Variants in PCED1B observed in about 807,000 individuals in gnomAD.
PCED1B encodes PC-esterase domain containing 1B.
For missense variants in PCED1B, 573 were observed against 573.9 expected (o/e 1.00, Z 0.02); for synonymous variants, 251 against 246.1 (o/e 1.02, Z -0.19).
At chr12:47,233,948 T>G (rs542581667) in intron 3 of PCED1B, among the ~76,000 whole-genome samples, 4 of 152,164 alleles carry the variant, frequency 2.6e-5, no homozygotes, top group Non-Finnish European at 5.9e-5. Context: ...TACTTCCTTG[T>G]AAAAGAAATC....
intron 2 of PCED1B, among the ~76,000 whole-genome samples, chr12:47,126,209 A>T (rs1939882647): frequency 6.6e-6 from 1 of 151,936 alleles, no homozygotes; most frequent in Non-Finnish European, 1.5e-5. Context: ...GCTTAATGTG[A>T]GTTTTTATAA....
chr12:47,144,215 G>A (rs1363155183), intron 2 of PCED1B, among the ~76,000 whole-genome samples: 3 of 152,156 alleles, frequency 2.0e-5, no homozygotes, highest in East Asian at 1.9e-4. Context: ...TAAGGCAGCC[G>A]AGGAGCAATG....
At chr12:47,162,646 A>C (rs1054455456) in intron 2 of PCED1B, among the ~76,000 whole-genome samples, 3 of 152,196 alleles carry the variant, frequency 2.0e-5, no homozygotes, top group Non-Finnish European at 4.4e-5. Flanking sequence ...TGAGAGAGGC[A>C]ACAAGAAAGA....
intron 2 of PCED1B, among the ~76,000 whole-genome samples, chr12:47,167,485 A>G (rs1475653355): frequency 6.6e-6 from 1 of 152,144 alleles, no homozygotes; most frequent in Admixed American, 6.5e-5. Flanking sequence ...AAGAAATGTG[A>G]GGTGTGTTTC....
chr12:47,116,554 C>T (rs1939430447), intron 2 of PCED1B, among the ~76,000 whole-genome samples: 1 of 152,048 alleles, frequency 6.6e-6, no homozygotes, highest in African/African-American at 2.4e-5. Context: ...TTGTCATATA[C>T]ATTTTGTCCC....
rs559214875 is a variant in PCED1B at position 47,211,900 on chromosome 12, C to T, written c.-525-4322C>T. 2.8e-3 allele frequency among the ~76,000 whole-genome samples: 426 copies of T among 151,276 alleles called. 3 individuals carry two copies. The highest frequency in any genetic ancestry group is 9.4e-3 in the African/African-American group (387 of 41,272). On this transcript the variant is annotated intron_variant, in intron 2 of 3. Transcript: ENST00000546455. ...ACCATCCCGGCTAAAACGGTGAAAC[C>T]CCGTCTCTACTAAAAATACAAAAAA... is the stretch of plus-strand genomic sequence containing the variant.
At chr12:47,137,225 A>G (rs1487120396) in intron 2 of PCED1B, among the ~76,000 whole-genome samples, 1 of 152,176 alleles carries the variant, frequency 6.6e-6, no homozygotes, top group Non-Finnish European at 1.5e-5. Flanking sequence ...TCTTAATTTC[A>G]TTTTTTATTT....
chr12:47,181,585 T>G (rs1942098026), intron 2 of PCED1B, among the ~76,000 whole-genome samples: 1 of 152,072 alleles, frequency 6.6e-6, no homozygotes, highest in Non-Finnish European at 1.5e-5. Context: ...CAGGCAGGTC[T>G]TGAACTCCCA....
chr12:47,136,937 G>A (rs192565322), intron 2 of PCED1B, among the ~76,000 whole-genome samples: 1 of 152,234 alleles, frequency 6.6e-6, no homozygotes, highest in East Asian at 1.9e-4. Flanking sequence ...GTAACCTTGG[G>A]TAACTCCCTC....
At chr12:47,181,117 G>T (rs1340327404) in intron 2 of PCED1B, among the ~76,000 whole-genome samples, 3 of 151,826 alleles carry the variant, frequency 2.0e-5, no homozygotes, top group Non-Finnish European at 4.4e-5. Flanking sequence ...CTGGGTAGCT[G>T]GGACTACAGG....
At position 47,142,772 on chromosome 12, in the gene PCED1B, G is replaced by T. The variant is rs1018443845; in HGVS notation, c.-526+38577G>T. 4.6e-5 allele frequency among the ~76,000 whole-genome samples: 7 copies of T among 151,724 alleles called. 1 individual carries two copies. The highest frequency in any genetic ancestry group is 8.8e-5 in the Non-Finnish European group (6 of 67,926). The stretch of plus-strand genomic sequence containing the variant: ...ATTATTTGAAATTAGCCAATTAGAG[G>T]AACCAAAACAAAAGAAGAAATTAAA... On this transcript the variant is annotated intron_variant, in intron 2 of 3. Coordinates refer to ENST00000546455, the MANE Select transcript of PCED1B (RefSeq NM_138371.3).
chr12:47,084,398 A>T (rs1353314101), intron 1 of PCED1B, among the ~76,000 whole-genome samples: 2 of 152,242 alleles, frequency 1.3e-5, no homozygotes, highest in Non-Finnish European at 2.9e-5. Context: ...CTGAACCATC[A>T]TAAGTCAGAG....
chr12:47,193,417 C>T (rs1214683383), intron 2 of PCED1B, among the ~76,000 whole-genome samples: 1 of 152,162 alleles, frequency 6.6e-6, no homozygotes, highest in African/African-American at 2.4e-5. Flanking sequence ...GCCCCCTTCC[C>T]CCTTTCCACT....
chr12:47,155,481 G>T (rs1274609332), intron 2 of PCED1B, among the ~76,000 whole-genome samples: 1 of 152,172 alleles, frequency 6.6e-6, no homozygotes. Context: ...GGTGTTTTAT[G>T]ATTTGAATTA....
chr12:47,085,533 C>T (rs980850480), intron 1 of PCED1B, among the ~76,000 whole-genome samples: 12 of 152,276 alleles, frequency 7.9e-5, no homozygotes, highest in Middle Eastern at 3.4e-3. Context: ...CAAATAAATT[C>T]GGGTACATCC....
intron 2 of PCED1B, among the ~76,000 whole-genome samples, chr12:47,114,231 T>C (rs1939324913): frequency 6.6e-6 from 1 of 152,172 alleles, no homozygotes; most frequent in Admixed American, 6.5e-5. Flanking sequence ...CTTTTACACT[T>C]TTATCTTCAC....
intron 2 of PCED1B, among the ~76,000 whole-genome samples, chr12:47,207,883 A>C (rs1217691868): frequency 6.6e-6 from 1 of 152,356 alleles, no homozygotes; most frequent in African/African-American, 2.4e-5. Flanking sequence ...TTAACAAACT[A>C]AGCATATGAC....
chr12:47,085,152 A>T (rs980882989), intron 1 of PCED1B, among the ~76,000 whole-genome samples: 1 of 152,168 alleles, frequency 6.6e-6, no homozygotes, highest in African/African-American at 2.4e-5. Flanking sequence ...TCAAAACACG[A>T]AACAAAAAAC....
At chr12:47,169,897 C>CT (rs35457537) in intron 2 of PCED1B, among the ~76,000 whole-genome samples, 1,236 of 100,504 alleles carry the variant, frequency 0.012, 25 homozygotes, top group African/African-American at 0.043. Context: ...TATTACTCAT[C>CT]TTTTTTTTTT....
Sources: allele counts gnomAD v4.1 joint callset (sites outside exome capture counted in the v4.1 genomes callset), GRCh38; gene constraint gnomAD v4.1.1; transcripts MANE v1.5; gene names NCBI Gene and HGNC (gene_info 2026-07-23, HGNC 2026-07-21).